Variants in PLEKHM3 observed in about 807,000 individuals in gnomAD.
The protein encoded by PLEKHM3 is pleckstrin homology domain containing M3.
A neutral mutation model predicts 81.8 loss-of-function variants in PLEKHM3; 45 were observed. The ratio of observed to expected loss-of-function variants is 0.55; its 90% CI spans 0.43 to 0.71. PLEKHM3 has a LOEUF of 0.71. Among genes scored for constraint, PLEKHM3 ranks in the 30% least tolerant of loss-of-function variants. The pLI, the probability that PLEKHM3 is intolerant of heterozygous loss-of-function variation, is 0.00. For synonymous variants in PLEKHM3, 352 were observed against 356.4 expected (o/e 0.99, Z 0.14); for missense variants, 788 against 924.3 (o/e 0.85, Z 1.91).
chr2:207,914,420 C>T (rs537651111), intron 5 of PLEKHM3, among the ~76,000 whole-genome samples: 1 of 152,070 alleles, frequency 6.6e-6, no homozygotes, highest in South Asian at 2.1e-4. Flanking sequence ...ATTGATTGAA[C>T]CCAGGAGCTG....
intron 3 of PLEKHM3, among the ~76,000 whole-genome samples, chr2:207,954,556 G>T (rs1321980240): frequency 1.3e-5 from 2 of 152,164 alleles, no homozygotes; most frequent in Non-Finnish European, 2.9e-5. Flanking sequence ...TCATGTATTA[G>T]TAGATTATAC....
At chr2:207,968,107 T>A (rs2106011442) in intron 3 of PLEKHM3, among the ~76,000 whole-genome samples, 1 of 151,940 alleles carries the variant, frequency 6.6e-6, no homozygotes, top group East Asian at 2.0e-4. Flanking sequence ...TGCATTGTTT[T>A]GAGGGCTTTG....
intron 1 of PLEKHM3, among the ~76,000 whole-genome samples, chr2:208,016,668 A>ATACACACACACACACACACACACACAC (rs11436592): frequency 1.3e-4 from 8 of 61,562 alleles, no homozygotes; most frequent in African/African-American, 2.2e-4. Flanking sequence ...AAAAAAAAAA[A>ATACACACACACACACACACACACACAC]ATACACACAC....
At chr2:207,873,780 C>T (rs553914266) in intron 6 of PLEKHM3, among the ~76,000 whole-genome samples, 9 of 152,234 alleles carry the variant, frequency 5.9e-5, no homozygotes, top group East Asian at 3.9e-4. Flanking sequence ...ATAGCACTTT[C>T]GGGATGTAAA....
intron 7 of PLEKHM3, among the ~76,000 whole-genome samples, chr2:207,858,899 T>TGGTTGTGG (rs2092451244): frequency 1.3e-5 from 2 of 152,104 alleles, no homozygotes; most frequent in Admixed American, 1.3e-4. Flanking sequence ...CACAATCTAA[T>TGGTTGTGG]TCCAGAACAT....
intron 3 of PLEKHM3, among the ~76,000 whole-genome samples, chr2:207,963,426 AAAGAG>A (rs1449292148): frequency 8.5e-5 from 13 of 152,194 alleles, no homozygotes; most frequent in African/African-American, 2.9e-4. Flanking sequence ...GAAGAATTGT[AAAGAG>A]AAGACTATCA....
intron 6 of PLEKHM3, among the ~76,000 whole-genome samples, chr2:207,864,343 C>T (rs866293463): frequency 1.3e-4 from 20 of 152,186 alleles, no homozygotes; most frequent in African/African-American, 3.6e-4. Context: ...AAGAAACAGC[C>T]ACTACCAAAT....
intron 6 of PLEKHM3, among the ~76,000 whole-genome samples, chr2:207,893,081 C>G (rs1688109857): frequency 6.6e-6 from 1 of 152,164 alleles, no homozygotes. Context: ...TGGCTCCAAT[C>G]TTTGGTCTCA....
At position 207,938,259 on chromosome 2, in the gene PLEKHM3, T is replaced by C. The variant is rs185201866; in HGVS notation, c.1693-7140A>G. Among the ~76,000 whole-genome samples the C allele has an allele frequency of 9.3e-4, 141 of 152,318 alleles. 1 individual carries two copies. Among genetic ancestry groups the C allele is most frequent in the African/African-American group, 3.1e-3 (127 of 41,570 alleles). On this transcript the variant is annotated intron_variant, in intron 4 of 7. Transcript: ENST00000427836. Reference sequence around the variant, plus strand: ...AAGAGATTTTATTAGAAAATGGCTATAGAAATTGAGGATAGGGTTTAGCGC... The same window carrying C: ...AAGAGATTTTATTAGAAAATGGCTACAGAAATTGAGGATAGGGTTTAGCGC...
At chr2:207,876,295 C>A (rs958641207) in intron 6 of PLEKHM3, among the ~76,000 whole-genome samples, 1 of 151,858 alleles carries the variant, frequency 6.6e-6, no homozygotes, top group African/African-American at 2.4e-5. Context: ...AAAAAAAAAA[C>A]CAATGACAGC....
chr2:207,842,423 C>A (rs935354599), intron 7 of PLEKHM3, among the ~76,000 whole-genome samples: 1 of 152,110 alleles, frequency 6.6e-6, no homozygotes, highest in African/African-American at 2.4e-5. Flanking sequence ...ACTAATTAGA[C>A]TGATTGTTTA....
Position 207,866,391 on chromosome 2 carries a change from G to T in PLEKHM3, c.1951-5129C>A, listed in dbSNP as rs1047190909. Among the ~76,000 whole-genome samples the T allele has an allele frequency of 7.2e-5, 11 of 152,140 alleles. No homozygotes were observed. The East Asian group carries it at 2.1e-3, about 29-fold the overall frequency. On this transcript the variant is annotated intron_variant, in intron 6 of 7. Transcript: ENST00000427836. ...AGGCTGGTCTCAAACTCCTGAGCTT[G>T]TGTGATCTGCCTGCCTCGGCCTCCC...
Position 207,908,585 on chromosome 2 carries a change from C to T in PLEKHM3, c.1887-8G>A. ...TATTCTCTGGGGAAAATTCTGAAAA[C>T]AAGGGCAGATAGACAAGTGAACTGT... On this transcript the variant is annotated splice_region_variant and splice_polypyrimidine_tract_variant and intron_variant, in intron 5 of 7. Coordinates refer to ENST00000427836, the MANE Select transcript of PLEKHM3 (RefSeq NM_001080475.3). 6.2e-7 allele frequency: 1 copy of T among 1,606,666 alleles called. No homozygotes were observed. Among genetic ancestry groups the T allele is most frequent in the Non-Finnish European group, 8.5e-7 (1 of 1,174,942 alleles).
At chr2:207,969,264 A>C (rs1271308138) in intron 3 of PLEKHM3, among the ~76,000 whole-genome samples, 1 of 152,204 alleles carries the variant, frequency 6.6e-6, no homozygotes, top group Non-Finnish European at 1.5e-5. Context: ...CACATTCATA[A>C]GAAGTTCCCA....
chr2:207,986,838 ATTTTTTTT>A (rs370986896), intron 2 of PLEKHM3, among the ~76,000 whole-genome samples: 1 of 126,300 alleles, frequency 7.9e-6, no homozygotes, highest in Non-Finnish European at 1.6e-5. Flanking sequence ...TGCCCAGCTA[ATTTTTTTT>A]TTTTTTTTTT....
At chr2:207,924,415 C>G (rs1376940715) in intron 5 of PLEKHM3, among the ~76,000 whole-genome samples, 1 of 151,850 alleles carries the variant, frequency 6.6e-6, no homozygotes, top group Non-Finnish European at 1.5e-5. Flanking sequence ...CCAGGTGTGG[C>G]AGCTCATGCC....
At chr2:207,877,675 T>A (rs893617234) in intron 6 of PLEKHM3, among the ~76,000 whole-genome samples, 2 of 152,176 alleles carry the variant, frequency 1.3e-5, no homozygotes, top group African/African-American at 4.8e-5. Flanking sequence ...AAAACTGAAG[T>A]ATAACACATA....
intron 5 of PLEKHM3, among the ~76,000 whole-genome samples, chr2:207,921,998 C>T (rs1689198298): frequency 6.6e-6 from 1 of 152,092 alleles, no homozygotes; most frequent in African/African-American, 2.4e-5. Context: ...GGCTATACAC[C>T]CAGTAGTAGG....
At chr2:208,014,022 C>A (rs1401192341) in intron 1 of PLEKHM3, among the ~76,000 whole-genome samples, 1 of 152,064 alleles carries the variant, frequency 6.6e-6, no homozygotes, top group Non-Finnish European at 1.5e-5. Context: ...GTGATAAGAT[C>A]TAAGCAAAAA....
Sources: gnomAD v4.1 joint callset for allele counts (sites outside exome capture counted in the v4.1 genomes callset) on GRCh38, gnomAD v4.1.1 for gene constraint, MANE v1.5 for transcripts, NCBI Gene and HGNC (gene_info 2026-07-23, HGNC 2026-07-21) for gene names.